Variants in CS observed in about 807,000 individuals in gnomAD.
CS encodes citrate synthase.
A neutral mutation model predicts 61.4 loss-of-function variants in CS; 13 were observed. The ratio of observed to expected loss-of-function variants is 0.21; its 90% CI spans 0.14 to 0.34. The LOEUF (loss-of-function observed/expected upper bound fraction) is 0.34, where lower values mean the gene tolerates loss of function less well. CS is among the 10% of genes least tolerant of loss of function. The probability of loss-of-function intolerance (pLI) is 1.00; values close to 1 mark genes in which losing one functional copy is unlikely to be tolerated. For missense variants in CS, 278 were observed against 573.4 expected (o/e 0.48, Z 5.26); for synonymous variants, 159 against 215.2 (o/e 0.74, Z 2.29).
rs1315226788 is a variant in CS at position 56,300,298 on chromosome 12, G to A, written c.-97C>T. 3.1e-6 allele frequency: 4 copies of A among 1,310,800 alleles called. No individual in the cohort carries two copies. Among genetic ancestry groups the A allele is most frequent in the Admixed American group, 2.4e-5 (1 of 42,460 alleles). 81.2% of individuals were successfully genotyped at this position (1,310,800 alleles called of 1,614,324 possible). On this transcript the variant is annotated 5_prime_UTR_variant, in exon 1 of 11. Transcript: ENST00000351328. ...CCGCTGCACCAGAGGCCGCGCCGAC[G>A]GGTTGACAAGGTTGAAAGGAGGCGG...
At chr12:56,284,332 A>G (rs1422737247) in intron 3 of CS, among the ~76,000 whole-genome samples, 1 of 149,624 alleles carries the variant, frequency 6.7e-6, no homozygotes, top group Non-Finnish European at 1.5e-5. Context: ...AAAAAAAAAA[A>G]AAAAAGAAAA....
chr12:56,275,262 C>T, intron 7 of CS, 131 bp from the exon 8 acceptor site: 1 of 1,068,148 alleles, frequency 9.4e-7, no homozygotes, highest in African/African-American at 1.6e-5. Flanking sequence ...GTCAGTTATA[C>T]CTAAACTCTT....
At chr12:56,287,666 T>C (rs950114425) in intron 1 of CS, among the ~76,000 whole-genome samples, 1 of 151,778 alleles carries the variant, frequency 6.6e-6, no homozygotes, top group African/African-American at 2.4e-5. Context: ...CTTTTCTTTA[T>C]TTTTTTTGAG....
intron 9 of CS, 169 bp downstream of exon 9, chr12:56,274,608 T>C: frequency 1.8e-6 from 1 of 568,836 alleles, no homozygotes; most frequent in Non-Finnish European, 3.0e-6. Context: ...GGACTACAGG[T>C]GCATGCCATT....
At chr12:56,297,660 C>T (rs1386328002) in intron 1 of CS, among the ~76,000 whole-genome samples, 3 of 152,042 alleles carry the variant, frequency 2.0e-5, no homozygotes, top group Non-Finnish European at 2.9e-5. Flanking sequence ...GCGGAGATTA[C>T]GCCACTGCAC....
chr12:56,275,023 A>G lies in CS; in HGVS notation c.897T>C (p.Pro299=). 1.2e-6 allele frequency: 2 copies of G among 1,614,230 alleles called. No individual in the cohort carries two copies. Among genetic ancestry groups the G allele is most frequent in the Non-Finnish European group, 1.7e-6 (2 of 1,180,032 alleles). The change falls in exon 8 of 11, where the codon CCT becomes CCC. Residue 299 remains proline, a synonymous_variant. Transcript: ENST00000351328. ...TTACCTGATTTGCCAGTCCATGGAGAGGCCCTGCCAGCCCGTTCATGGCTG... is the reference window on the plus strand; with the variant it reads ...TTACCTGATTTGCCAGTCCATGGAGGGGCCCTGCCAGCCCGTTCATGGCTG... ...FAAAMNGLAG[P]LHGLANQEVL...
At chr12:56,284,297 T>G (rs1872863548) in intron 3 of CS, among the ~76,000 whole-genome samples, 1 of 119,482 alleles carries the variant, frequency 8.4e-6, no homozygotes, top group African/African-American at 3.3e-5. Context: ...TCAGCCTGGG[T>G]GACAAGAGCA....
At chr12:56,284,383 C>T in intron 3 of CS, among the ~76,000 whole-genome samples, 1 of 150,148 alleles carries the variant, frequency 6.7e-6, no homozygotes, top group Non-Finnish European at 1.5e-5. Context: ...GGGGCTCATG[C>T]CTGTAATCCC....
At chr12:56,279,556 G>A (rs1173555695) in intron 6 of CS, among the ~76,000 whole-genome samples, 2 of 151,918 alleles carry the variant, frequency 1.3e-5, no homozygotes, top group Middle Eastern at 3.2e-3. Context: ...CACGAGGTCA[G>A]GAGATCGAGA....
chr12:56,291,901 G>C (rs766355654), intron 1 of CS: 1 of 152,206 alleles, frequency 6.6e-6, no homozygotes, highest in East Asian at 1.9e-4. Flanking sequence ...TCACAATCAC[G>C]AAGAGGTTTT....
At position 56,283,101 on chromosome 12, in the gene CS, A is replaced by G. The variant is rs1872824096; in HGVS notation, c.268-110T>C. The G allele has an allele frequency of 8.0e-6, 10 of 1,247,452 alleles. No individual in the cohort carries two copies. The East Asian group carries it at 2.1e-4, about 27-fold the overall frequency. The allele number at this position is 1,247,452 out of a possible 1,614,324, so 77.3% of individuals were successfully genotyped here. On this transcript the variant is annotated intron_variant, in intron 4 of 10. Transcript: ENST00000351328. ...AGTTAGAGTAGAACTTTTTATGTTAATTATTATTTCTGTAGAGGTGGGGTC... is the reference window on the plus strand; with the variant it reads ...AGTTAGAGTAGAACTTTTTATGTTAGTTATTATTTCTGTAGAGGTGGGGTC...
intron 1 of CS, among the ~76,000 whole-genome samples, chr12:56,290,535 G>C (rs1323277568): frequency 6.6e-6 from 1 of 152,032 alleles, no homozygotes; most frequent in Non-Finnish European, 1.5e-5. Context: ...AGCACCGTTC[G>C]GTGTCAGGTT....
At chr12:56,273,544 G>C in intron 10 of CS, 43 bp downstream of exon 10, 2 of 1,583,120 alleles carry the variant, frequency 1.3e-6, no homozygotes. Flanking sequence ...TAACAATAGG[G>C]TTTGGTACAA....
In CS at chr12:56,283,008, G is replaced by C; in HGVS notation, c.268-17C>G. The C allele has an allele frequency of 6.2e-7, 1 of 1,613,746 alleles. No homozygotes were observed. The highest frequency in any genetic ancestry group is 8.5e-7 in the Non-Finnish European group (1 of 1,179,802). On this transcript the variant is annotated splice_polypyrimidine_tract_variant and intron_variant, in intron 4 of 10. Coordinates refer to ENST00000351328, the MANE Select transcript of CS (RefSeq NM_004077.3). ...ACGGATGCCCTTGAGAGAGGAGAGAGAGAATTACAACTCAAGTTTATAGCC... is the reference window on the plus strand; with the variant it reads ...ACGGATGCCCTTGAGAGAGGAGAGACAGAATTACAACTCAAGTTTATAGCC...
intron 10 of CS, 52 bp from the exon 11 acceptor site, chr12:56,273,306 TA>T (rs765076947): frequency 8.4e-5 from 131 of 1,563,484 alleles, no homozygotes; most frequent in Non-Finnish European, 1.1e-4. Context: ...CAGTGGCATG[TA>T]CAAGTCCTAG....
rs545726368 is a variant in CS, at chr12:56,275,401, C to T, written c.789-270G>A. 7.1e-3 allele frequency: 2,497 copies of T among 349,534 alleles called. 12 individuals are homozygous for T. The highest frequency in any genetic ancestry group is 0.011 in the Non-Finnish European group (1,980 of 185,254). The allele number at this position is 349,534 out of a possible 1,614,324, so 21.7% of individuals were successfully genotyped here. On this transcript the variant is annotated intron_variant, in intron 7 of 10. Transcript: ENST00000351328. ...CATCCTGGCCAACATGGTGAAACCC[C>T]GTCTCTGCTAAAAATACAAAAATTA...
chr12:56,293,167 C>T (rs1261270091), intron 1 of CS, among the ~76,000 whole-genome samples: 5 of 152,132 alleles, frequency 3.3e-5, no homozygotes, highest in Non-Finnish European at 7.4e-5. Context: ...CCTCTTACTC[C>T]TTAGCCTATT....
rs372007130 is a variant in CS at position 56,273,180 on chromosome 12, C to T, written c.1305G>A (p.Gln435=). Residue 435 remains glutamine, a synonymous_variant, in exon 11 of 11, where the codon CAG becomes CAA. Transcript: ENST00000351328. ...AGCCTAAGGCTCGGCTCCAGATGAG[C>T]TGTGCCAGTACACCCAATGCTCGTG... is the stretch of plus-strand genomic sequence containing the variant. ...GVSRALGVLA[Q]LIWSRALGFP... 3.1e-6 allele frequency: 5 copies of T among 1,614,004 alleles called. No individual in the cohort carries two copies. The highest frequency in any genetic ancestry group is 8.5e-7 in the Non-Finnish European group (1 of 1,179,858).
chr12:56,297,657 T>G (rs1873347283), intron 1 of CS, among the ~76,000 whole-genome samples: 2 of 152,032 alleles, frequency 1.3e-5, no homozygotes, highest in African/African-American at 4.8e-5. Flanking sequence ...TGAGCGGAGA[T>G]TACGCCACTG....
Sources: gnomAD v4.1 joint callset for allele counts (sites outside exome capture counted in the v4.1 genomes callset) on GRCh38, gnomAD v4.1.1 for gene constraint, MANE v1.5 for transcripts, NCBI Gene and HGNC (gene_info 2026-07-23, HGNC 2026-07-21) for gene names.